Variants in ADH1A observed in about 807,000 individuals in gnomAD.
ADH1A encodes alcohol dehydrogenase 1A (class I), alpha polypeptide.
ADH1A carries 29 observed loss-of-function variants against 35.2 expected under a neutral mutation model. The observed-to-expected ratio is 0.82, with a 90% CI of 0.61 to 1.12. ADH1A has a LOEUF of 1.12. Ranked by LOEUF, ADH1A falls within the 50% of genes most tolerant of loss-of-function variation. ADH1A has a pLI of 0.00. For synonymous variants in ADH1A, 147 were observed against 164.8 expected (o/e 0.89, Z 0.83); for missense variants, 469 against 464.7 (o/e 1.01, Z -0.09).
At chr4:99,287,260 C>T (rs1733175174) in intron 2 of ADH1A, among the ~76,000 whole-genome samples, 1 of 151,930 alleles carries the variant, frequency 6.6e-6, no homozygotes, top group South Asian at 2.1e-4. Context: ...AGAATGCATG[C>T]CTTTAAAAAA....
Position 99,284,504 on chromosome 4 carries a change from A to G in ADH1A, c.462T>C (p.Asp154=), listed in dbSNP as rs1733093552. Reference sequence around the variant, plus strand: ...CATCAATTTTGGCTACTGCATTTTCATCCACCACTGTGTACTGTGAGAAGG... The same window carrying G: ...CATCAATTTTGGCTACTGCATTTTCGTCCACCACTGTGTACTGTGAGAAGG... ...ISTFSQYTVV[D]ENAVAKIDAA... Residue 154 remains aspartate, a synonymous_variant, in exon 5 of 9, where the codon GAT becomes GAC. Transcript: ENST00000209668. The G allele has an allele frequency of 6.2e-7, 1 of 1,614,146 alleles. No homozygotes were observed. The highest frequency in any genetic ancestry group is 8.5e-7 in the Non-Finnish European group (1 of 1,180,064).
chr4:99,278,746 A>T (rs1732926840), intron 8 of ADH1A, among the ~76,000 whole-genome samples: 1 of 152,184 alleles, frequency 6.6e-6, no homozygotes, highest in Non-Finnish European at 1.5e-5. Flanking sequence ...ATGTAAATGC[A>T]GGTGACAAAA....
rs1388354469 is a variant in ADH1A at position 99,284,417 on chromosome 4, A to C, written c.549T>G (p.Ser183=). Residue 183 remains serine (S), a synonymous_variant, in exon 5 of 9, where the codon TCT becomes TCG. Coordinates refer to ENST00000209668, the MANE Select transcript of ADH1A (RefSeq NM_000667.4). ...IGCGFSTGYG[S]AVNVAKVTPG... ...TTCTTACCTTGGCAACATTGACTGC[A>C]GACCCATAACCAGTTGAAAATCCAC... The C allele has an allele frequency of 1.2e-6, 2 of 1,614,200 alleles. No individual in the cohort carries two copies. Among genetic ancestry groups the C allele is most frequent in the Admixed American group, 1.7e-5 (1 of 60,020 alleles).
intron 1 of ADH1A, among the ~76,000 whole-genome samples, chr4:99,287,904 A>C (rs1445728649): frequency 6.6e-6 from 1 of 152,232 alleles, no homozygotes; most frequent in Non-Finnish European, 1.5e-5. Flanking sequence ...GAATATATTC[A>C]TTAAGGCCAT....
chr4:99,290,926 C>T lies in ADH1A; in HGVS notation c.-12G>A, dbSNP rs1204779498. 6.2e-7 allele frequency: 1 copy of T among 1,613,774 alleles called. No individual in the cohort carries two copies. Among genetic ancestry groups the T allele is most frequent in the East Asian group, 2.2e-5 (1 of 44,866 alleles). On this transcript the variant is annotated 5_prime_UTR_variant, in exon 1 of 9. Transcript: ENST00000209668. Reference sequence around the variant, plus strand: ...CCTGCTGTGCTCATGTTGATTCTGTCTTCTCTGCAGACCAGGAGACTGGTG... The same window carrying T: ...CCTGCTGTGCTCATGTTGATTCTGTTTTCTCTGCAGACCAGGAGACTGGTG...
chr4:99,289,744 TA>T (rs1452481069), intron 1 of ADH1A, among the ~76,000 whole-genome samples: 1 of 152,244 alleles, frequency 6.6e-6, no homozygotes, highest in Non-Finnish European at 1.5e-5. Flanking sequence ...TTTCATCAGT[TA>T]TTATTTTCAT....
Position 99,282,533 on chromosome 4 carries a change from G to A in ADH1A, c.641C>T (p.Ala214Val). 6.2e-7 allele frequency: 1 copy of A among 1,614,214 alleles called. No individual in the cohort carries two copies. Among genetic ancestry groups the A allele is most frequent in the South Asian group, 1.1e-5 (1 of 91,090 alleles). ...VGLSAIMGCK[A>V]AGAARIIAVD... is the part of the protein sequence containing the mutation. ...CGCAATGATTCTGGCTGCCCCAGCT[G>A]CTTTACAGCCCATAATAGCAGATAG... Residue 214 changes from alanine (A) to valine (V), a missense_variant, in exon 6 of 9, where the codon GCA becomes GTA. By Grantham distance (64) the Ala-to-Val change is moderately conservative. Transcript: ENST00000209668.
Position 99,287,654 on chromosome 4 carries a change from G to C in ADH1A, c.30C>G (p.Cys10Trp). The change falls in exon 2 of 9, where the codon TGC becomes TGG. Residue 10 changes from cysteine (C) to tryptophan (W), a missense_variant. Physicochemically the swap from Cys to Trp is radical, Grantham distance 215. Coordinates refer to ENST00000209668, the MANE Select transcript of ADH1A (RefSeq NM_000667.4). ...TTAACTCCCATAGCACAGCTGCTTT[G>C]CATTTGATTACCTAGAAAAGCAAAC... MSTAGKVIK[C>W]KAAVLWELKK... 1 of 1,613,864 alleles carries C rather than the reference G, an allele frequency of 6.2e-7. No individual in the cohort carries two copies. Among genetic ancestry groups the C allele is most frequent in the Non-Finnish European group, 8.5e-7 (1 of 1,179,876 alleles).
At chr4:99,284,202 ACT>A (rs1190718443) in intron 5 of ADH1A, among the ~76,000 whole-genome samples, 195 bp downstream of exon 5, 10 of 152,292 alleles carry the variant, frequency 6.6e-5, no homozygotes, top group African/African-American at 2.2e-4. Flanking sequence ...CATTTTCTAA[ACT>A]CTCAACAACT....
chr4:99,282,263 A>G (rs768894703), intron 6 of ADH1A, 83 bp downstream of exon 6: 2 of 1,612,326 alleles, frequency 1.2e-6, no homozygotes, highest in Non-Finnish European at 1.7e-6. Context: ...AATATCCTTT[A>G]TACAGAAAAC....
chr4:99,280,006 A>G (rs1732960671), intron 7 of ADH1A, 138 bp downstream of exon 7: 1 of 1,239,194 alleles, frequency 8.1e-7, no homozygotes, highest in Non-Finnish European at 1.2e-6. Context: ...TTCCATATCT[A>G]GTTGATTTGG....
In ADH1A at chr4:99,284,585, G is replaced by A; in HGVS notation, c.381C>T (p.Gly127=). ...TCCTCCTGCAGGTGAACCTGCTGGT[G>A]CCATCCTGCAGGGTCCCCTGAGGAT... ...VSNPQGTLQD[G]TSRFTCRRKP... Residue 127 remains glycine, a synonymous_variant, in exon 5 of 9, where the codon GGC becomes GGT. Transcript: ENST00000209668. 1 of 1,614,166 alleles carries A rather than the reference G, an allele frequency of 6.2e-7. No individual in the cohort carries two copies. Among genetic ancestry groups the A allele is most frequent in the Non-Finnish European group, 8.5e-7 (1 of 1,180,026 alleles).
Position 99,276,660 on chromosome 4 carries a change from A to G in ADH1A, c.1104-12T>C, listed in dbSNP as rs772669746. On this transcript the variant is annotated splice_polypyrimidine_tract_variant and intron_variant, in intron 8 of 8. Transcript: ENST00000209668. Reference sequence around the variant, plus strand: ...GAATGGTACGGATACTGCAATAGGAAAGAAGAGACATTGTATTAGCATTTA... The same window carrying G: ...GAATGGTACGGATACTGCAATAGGAGAGAAGAGACATTGTATTAGCATTTA... 6 of 1,609,658 alleles carry G rather than the reference A, an allele frequency of 3.7e-6. No homozygotes were observed. The highest frequency in any genetic ancestry group is 5.1e-6 in the Non-Finnish European group (6 of 1,176,144).
At chr4:99,279,331 C>CT in intron 8 of ADH1A, 95 bp downstream of exon 8, 1 of 1,456,712 alleles carries the variant, frequency 6.9e-7, no homozygotes, top group Non-Finnish European at 9.1e-7. Context: ...CCAAGGCACT[C>CT]TAATTTTTCT....
intron 1 of ADH1A, among the ~76,000 whole-genome samples, chr4:99,289,347 C>T (rs981734905): frequency 2.0e-5 from 3 of 152,240 alleles, no homozygotes; most frequent in Middle Eastern, 3.4e-3. Context: ...CTTTATTTTA[C>T]AGCTGAAATA....
intron 3 of ADH1A, among the ~76,000 whole-genome samples, chr4:99,285,206 G>A (rs915306127): frequency 1.3e-5 from 2 of 152,194 alleles, no homozygotes; most frequent in Non-Finnish European, 2.9e-5. Context: ...TCCACTAGAT[G>A]TTGGTAAGAC....
At chr4:99,285,995 C>T (rs1733142356) in intron 3 of ADH1A, among the ~76,000 whole-genome samples, 1 of 131,120 alleles carries the variant, frequency 7.6e-6, no homozygotes, top group African/African-American at 3.1e-5. Context: ...GCACTCCAGC[C>T]TGGGCGACAG....
chr4:99,282,274 A>G (rs1378988122), intron 6 of ADH1A, 72 bp downstream of exon 6: 7 of 1,613,570 alleles, frequency 4.3e-6, no homozygotes, highest in South Asian at 1.1e-5. Context: ...TACAGAAAAC[A>G]TATATTCTGC....
chr4:99,276,477 A>C lies in ADH1A; in HGVS notation c.*147T>G. ...TTGCTTGAAAAATAATTTTACATCA[A>C]TTTCCATTTCTTTGGAAAGCCCCCA... On this transcript the variant is annotated 3_prime_UTR_variant, in exon 9 of 9. Coordinates refer to ENST00000209668, the MANE Select transcript of ADH1A (RefSeq NM_000667.4). 2.7e-6 allele frequency: 2 copies of C among 738,006 alleles called. No homozygotes were observed. Among genetic ancestry groups the C allele is most frequent in the Non-Finnish European group, 4.6e-6 (2 of 432,268 alleles). 45.7% of individuals were successfully genotyped at this position (738,006 alleles called of 1,614,324 possible). A position where few individuals can be genotyped will look rare whatever the true frequency, so the allele number is the denominator to read the frequency against.
Sources: gnomAD v4.1 joint callset for allele counts (sites outside exome capture counted in the v4.1 genomes callset) on GRCh38, gnomAD v4.1.1 for gene constraint, MANE v1.5 for transcripts, NCBI Gene and HGNC (gene_info 2026-07-23, HGNC 2026-07-21) for gene names.